The following ING3 variants were observed in gnomAD, a reference collection of about 807,000 sequenced individuals.
The protein encoded by ING3 is inhibitor of growth family member 3.
A neutral mutation model predicts 64.8 loss-of-function variants in ING3; 6 were observed. That is an observed-to-expected ratio of 0.09 (90% confidence interval 0.05 to 0.18). ING3 has a LOEUF of 0.18. Among genes scored for constraint, ING3 ranks in the 10% least tolerant of loss-of-function variants. The pLI is 1.00. For missense variants in ING3, 310 were observed against 489.7 expected (o/e 0.63, Z 3.46); for synonymous variants, 170 against 173.7 (o/e 0.98, Z 0.17).
chr7:120,967,694 G>C, intron 7 of ING3, 46 bp downstream of exon 7: 1 of 1,532,032 alleles, frequency 6.5e-7, no homozygotes, highest in Non-Finnish European at 8.8e-7. Context: ...GTTTGTGTTA[G>C]AGTAAGGGGA....
At chr7:120,966,556 A>G in intron 5 of ING3, 70 bp from the exon 6 acceptor site, 1 of 1,128,014 alleles carries the variant, frequency 8.9e-7, no homozygotes. Flanking sequence ...CATTGCCTGT[A>G]GTTGAGTGAC....
intron 3 of ING3, among the ~76,000 whole-genome samples, chr7:120,954,491 T>C (rs1185772251): frequency 1.3e-5 from 2 of 152,132 alleles, no homozygotes; most frequent in Non-Finnish European, 2.9e-5. Context: ...TGAGTAGTTC[T>C]GTTATGATAT....
rs772643611 is a variant in ING3, at chr7:120,964,692, T to TTA, written c.268-49_268-48dup. 3 of 1,446,276 alleles carry TTA rather than the reference T, an allele frequency of 2.1e-6. No individual in the cohort carries two copies. In the Admixed American group the frequency reaches 5.0e-5, roughly 24 times the overall value. 89.6% of individuals were successfully genotyped at this position (1,446,276 alleles called of 1,614,324 possible). The stretch of plus-strand genomic sequence containing the variant: ...TAGGTTTCCTCATTAAGCTGACACT[T>TTA]TAACAGTGTCCCAAATTTTGGTGGT... On this transcript the variant is annotated intron_variant, in intron 4 of 11. Coordinates refer to ENST00000315870, the MANE Select transcript of ING3 (RefSeq NM_019071.3).
intron 3 of ING3, among the ~76,000 whole-genome samples, chr7:120,954,231 G>A (rs1013616913): frequency 6.6e-6 from 1 of 152,074 alleles, no homozygotes; most frequent in Non-Finnish European, 1.5e-5. Flanking sequence ...TTCGAGACCA[G>A]CCTGGCCAAC....
At chr7:120,969,297 A>G in intron 9 of ING3, 93 bp downstream of exon 9, 1 of 895,522 alleles carries the variant, frequency 1.1e-6, no homozygotes. Context: ...AAGGCAGGAT[A>G]TAACGGATTA....
intron 1 of ING3, 86 bp downstream of exon 1, chr7:120,951,010 G>T: frequency 1.3e-6 from 2 of 1,524,504 alleles, no homozygotes; most frequent in Non-Finnish European, 1.8e-6. Flanking sequence ...ATGGCGGGAG[G>T]GAGGGGGCGG....
chr7:120,963,913 A>AT (rs1287288338), intron 4 of ING3, among the ~76,000 whole-genome samples: 1 of 152,186 alleles, frequency 6.6e-6, no homozygotes, highest in Non-Finnish European at 1.5e-5. Context: ...GTTATCAATA[A>AT]TGTGACATGA....
chr7:120,963,684 G>A (rs1389161206), intron 4 of ING3, among the ~76,000 whole-genome samples: 7 of 152,118 alleles, frequency 4.6e-5, no homozygotes, highest in East Asian at 1.9e-4. Context: ...CATCTGATGC[G>A]TCAAGCACAT....
At chr7:120,959,524 C>T (rs927849560) in intron 4 of ING3, among the ~76,000 whole-genome samples, 2 of 152,068 alleles carry the variant, frequency 1.3e-5, no homozygotes, top group Non-Finnish European at 2.9e-5. Context: ...CTCCCCTGCC[C>T]CATCACCAAC....
chr7:120,963,617 T>C (rs1795961624), intron 4 of ING3, among the ~76,000 whole-genome samples: 1 of 152,142 alleles, frequency 6.6e-6, no homozygotes, highest in Non-Finnish European at 1.5e-5. Context: ...TCTTCACCTA[T>C]AAAGTAGAGA....
intron 2 of ING3, 56 bp downstream of exon 2, chr7:120,951,291 C>A: frequency 1.3e-6 from 2 of 1,481,566 alleles, no homozygotes; most frequent in Non-Finnish European, 1.9e-6. Context: ...GCCAGACTTG[C>A]TTGTCATCAC....
At chr7:120,971,641 CAT>C (rs1436724052) in intron 10 of ING3, among the ~76,000 whole-genome samples, 6 of 152,130 alleles carry the variant, frequency 3.9e-5, no homozygotes, top group African/African-American at 1.2e-4. Flanking sequence ...TTAATTTTCA[CAT>C]AGTTATCTCT....
At chr7:120,958,013 A>G (rs1795877203) in intron 4 of ING3, among the ~76,000 whole-genome samples, 1 of 152,216 alleles carries the variant, frequency 6.6e-6, no homozygotes. Context: ...TTAAGAACTC[A>G]GTCCATCTCA....
rs112950228 is a variant in ING3, at chr7:120,954,380, C to T, written c.201+976C>T. On this transcript the variant is annotated intron_variant, in intron 3 of 11. Transcript: ENST00000315870. The stretch of plus-strand genomic sequence containing the variant: ...GGTGGAGGTTGCAGTGAGCCTAGAT[C>T]GCGCCACTGCACTACAGCCTGGGCA... Among the ~76,000 whole-genome samples the T allele has an allele frequency of 3.8e-3, 582 of 151,576 alleles. 4 individuals carry two copies. The highest frequency in any genetic ancestry group is 0.013 in the African/African-American group (547 of 41,302).
At chr7:120,951,001 T>TTG in intron 1 of ING3, 77 bp downstream of exon 1, 1 of 689,968 alleles carries the variant, frequency 1.4e-6, no homozygotes, top group Non-Finnish European at 2.5e-6. Context: ...GGCAGCGAGA[T>TTG]GGCGGGAGGG....
Position 120,974,724 on chromosome 7 carries a change from C to G in ING3, c.1141-4C>G. 6.2e-7 allele frequency: 1 copy of G among 1,606,660 alleles called. No individual in the cohort carries two copies. The highest frequency in any genetic ancestry group is 8.5e-7 in the Non-Finnish European group (1 of 1,174,372). On this transcript the variant is annotated splice_polypyrimidine_tract_variant and splice_region_variant and intron_variant, in intron 11 of 11. Transcript: ENST00000315870. ...AACTTGTTTTTTGCAATTTTGCTTT[C>G]TAGTGCCCTATAGAATGGTTCCATT... is the stretch of plus-strand genomic sequence containing the variant.
At position 120,976,106 on chromosome 7, in the gene ING3, C is replaced by T. The variant is rs1184662150; in HGVS notation, c.*1262C>T. ...TACTACACCAGGGTGATGCTGACTGCAGAATAGATCTTATTCTAAGGTGCT... is the reference window on the plus strand; with the variant it reads ...TACTACACCAGGGTGATGCTGACTGTAGAATAGATCTTATTCTAAGGTGCT... On this transcript the variant is annotated 3_prime_UTR_variant, in exon 12 of 12. Transcript: ENST00000315870. The T allele has an allele frequency of 6.6e-6, 1 of 152,002 alleles. No homozygotes were observed. The highest frequency in any genetic ancestry group is 2.4e-5 in the African/African-American group (1 of 41,360). 9.4% of individuals were successfully genotyped at this position (152,002 alleles called of 1,614,324 possible).
chr7:120,964,259 G>T (rs1236723364), intron 4 of ING3, among the ~76,000 whole-genome samples: 3 of 152,130 alleles, frequency 2.0e-5, no homozygotes, highest in African/African-American at 7.2e-5. Flanking sequence ...AGTAATAGAT[G>T]TATAGAATAT....
chr7:120,969,601 AT>A (rs1422782626), intron 9 of ING3, among the ~76,000 whole-genome samples: 2 of 151,678 alleles, frequency 1.3e-5, no homozygotes, highest in African/African-American at 4.8e-5. Flanking sequence ...TTTCATTTTG[AT>A]TAACAGCAAG....
Sources: gnomAD v4.1 joint callset for allele counts (sites outside exome capture counted in the v4.1 genomes callset) on GRCh38, gnomAD v4.1.1 for gene constraint, MANE v1.5 for transcripts, NCBI Gene and HGNC (gene_info 2026-07-23, HGNC 2026-07-21) for gene names.